ACAA2: variants seen among roughly 807,000 people sequenced by gnomAD.
ACAA2 encodes 3-ketoacyl-CoA thiolase, mitochondrial.
In ACAA2, 35 loss-of-function variants were observed where a neutral mutation model predicts 44.8. That is an observed-to-expected ratio of 0.78 (90% CI 0.60 to 1.04). The LOEUF (loss-of-function observed/expected upper bound fraction) is 1.04, where lower values mean the gene tolerates loss of function less well. ACAA2 is among the 50% of genes least tolerant of loss of function. The pLI, the probability that ACAA2 is intolerant of heterozygous loss-of-function variation, is 0.00. For missense variants in ACAA2, 468 were observed against 482.6 expected, an observed-to-expected ratio of 0.97 and a Z score of 0.28; for synonymous variants, 142 against 166.5, an observed-to-expected ratio of 0.85 and a Z score of 1.13.
At chr18:49,784,547 G>T (rs2678716) in intron 9 of ACAA2, among the ~76,000 whole-genome samples, 80,679 of 151,914 alleles carry the variant, frequency 0.53, 21,963 homozygotes, top group Middle Eastern at 0.7. Context: ...TTCAACTCAG[G>T]GAATCATTAA....
intron 9 of ACAA2, among the ~76,000 whole-genome samples, chr18:49,784,917 C>T (rs886960538): frequency 2.0e-5 from 3 of 152,100 alleles, no homozygotes; most frequent in Non-Finnish European, 4.4e-5. Context: ...GCCTCATTAT[C>T]TGCTCATGCA....
chr18:49,802,616 G>T, intron 2 of ACAA2, 71 bp downstream of exon 2: 5 of 1,375,378 alleles, frequency 3.6e-6, no homozygotes, highest in South Asian at 1.4e-5. Context: ...ATTATGATAT[G>T]TTAAAGGAAT....
intron 7 of ACAA2, among the ~76,000 whole-genome samples, chr18:49,787,882 C>T (rs2023352585): frequency 6.6e-6 from 1 of 152,130 alleles, no homozygotes; most frequent in Non-Finnish European, 1.5e-5. Flanking sequence ...GCATTCACAG[C>T]ACAGAAGTTA....
chr18:49,793,269 A>G (rs1453606423), intron 5 of ACAA2, among the ~76,000 whole-genome samples: 1 of 152,236 alleles, frequency 6.6e-6, no homozygotes, highest in Non-Finnish European at 1.5e-5. Context: ...AGCTTTGGAA[A>G]TAGGGTCAGG....
intron 1 of ACAA2, among the ~76,000 whole-genome samples, chr18:49,805,581 T>C (rs1023145301): frequency 1.3e-5 from 2 of 152,084 alleles, no homozygotes; most frequent in Admixed American, 6.6e-5. Flanking sequence ...TCTTTTTTTT[T>C]TGAGACAGTC....
In ACAA2 at chr18:49,783,362, G is replaced by C. The variant is rs1424602011; in HGVS notation, c.*485C>G. The C allele has an allele frequency of 6.6e-6, 1 of 152,400 alleles. No homozygotes were observed. Among genetic ancestry groups the C allele is most frequent in the Non-Finnish European group, 1.5e-5 (1 of 68,222 alleles). The allele number at this position is 152,400 out of a possible 1,614,324, so 9.4% of individuals were successfully genotyped here. A position where few individuals can be genotyped will look rare whatever the true frequency, so the allele number is the denominator to read the frequency against. On this transcript the variant is annotated 3_prime_UTR_variant, in exon 10 of 10. Transcript: ENST00000285093. ...GAAAAAGTTCTGTTGATAAAAAGTGGGGATGTTTGTATAAAAATGTGAATG... is the reference window on the plus strand; with the variant it reads ...GAAAAAGTTCTGTTGATAAAAAGTGCGGATGTTTGTATAAAAATGTGAATG...
At chr18:49,803,788 T>C (rs922640968) in intron 1 of ACAA2, among the ~76,000 whole-genome samples, 2 of 152,102 alleles carry the variant, frequency 1.3e-5, no homozygotes, top group Admixed American at 6.5e-5. Flanking sequence ...AAGAACTACC[T>C]CTAAAAATTC....
intron 1 of ACAA2, among the ~76,000 whole-genome samples, chr18:49,803,537 C>T (rs1469937153): frequency 3.9e-5 from 6 of 152,144 alleles, no homozygotes; most frequent in Non-Finnish European, 7.4e-5. Flanking sequence ...AATAAAGCCT[C>T]TTCCTTCTTT....
chr18:49,786,424 A>T (rs2143945475), intron 8 of ACAA2: 1 of 152,310 alleles, frequency 6.6e-6, no homozygotes, highest in South Asian at 2.1e-4. Flanking sequence ...CTATTTGCTG[A>T]CACAAATATA....
intron 2 of ACAA2, among the ~76,000 whole-genome samples, chr18:49,800,311 G>C (rs1225201226): frequency 6.6e-5 from 10 of 150,386 alleles, no homozygotes; most frequent in African/African-American, 2.4e-4. Flanking sequence ...CGCCCCGTCC[G>C]GGAGGTGAGG....
chr18:49,785,830 CAA>C (rs2143944535), intron 8 of ACAA2: 1 of 157,452 alleles, frequency 6.4e-6, no homozygotes, highest in African/African-American at 2.4e-5. Flanking sequence ...TGAAACATGG[CAA>C]GTACTCAATA....
chr18:49,799,339 T>C (rs956101370), intron 2 of ACAA2, among the ~76,000 whole-genome samples: 13 of 151,994 alleles, frequency 8.6e-5, no homozygotes, highest in South Asian at 2.1e-4. Flanking sequence ...CTCAGCCTGC[T>C]GAGTGCCTGC....
In ACAA2 at chr18:49,792,315, C is replaced by T. The variant is rs1050880347; in HGVS notation, c.590G>A (p.Gly197Asp). The T allele has an allele frequency of 2.5e-6, 4 of 1,612,490 alleles. No homozygotes were observed. The highest frequency in any genetic ancestry group is 1.7e-5 in the Admixed American group (1 of 59,916). ...TGGTGCCATTTCATCATTAAAGTAG[C>T]CAGCATCATTAGCTGAAAAATAGTA... ...QQRWKAANDA[G>D]YFNDEMAPIE... Residue 197 changes from glycine (G) to aspartate (D), a missense_variant, in exon 6 of 10, where the codon GGC becomes GAC. Coordinates refer to ENST00000285093, the MANE Select transcript of ACAA2 (RefSeq NM_006111.3).
chr18:49,789,418 TACTGTGGG>T (rs1180075820), intron 7 of ACAA2, among the ~76,000 whole-genome samples: 4 of 152,152 alleles, frequency 2.6e-5, no homozygotes, highest in African/African-American at 9.7e-5. Flanking sequence ...GGGCAGCTGA[TACTGTGGG>T]ACATCTGGAA....
At chr18:49,807,350 C>A (rs1208611027) in intron 1 of ACAA2, among the ~76,000 whole-genome samples, 1 of 152,186 alleles carries the variant, frequency 6.6e-6, no homozygotes, top group Non-Finnish European at 1.5e-5. Context: ...GCCTGGGTGA[C>A]AGAGTGAGAT....
At chr18:49,811,737 A>G (rs948508794) in intron 1 of ACAA2, among the ~76,000 whole-genome samples, 2 of 152,198 alleles carry the variant, frequency 1.3e-5, no homozygotes, top group Non-Finnish European at 2.9e-5. Context: ...ACAGCCACTA[A>G]CTACCTGTGT....
At position 49,802,865 on chromosome 18, in the gene ACAA2, A is replaced by T. The variant is rs1322103912; in HGVS notation, c.17-12T>A. 8 of 1,613,800 alleles carry T rather than the reference A, an allele frequency of 5.0e-6. No individual in the cohort carries two copies. Among genetic ancestry groups the T allele is most frequent in the Non-Finnish European group, 5.9e-6 (7 of 1,179,866 alleles). On this transcript the variant is annotated splice_polypyrimidine_tract_variant and intron_variant, in intron 1 of 9. Transcript: ENST00000285093. ...AACTACAAACACACCTATTGCAACAAGAAGAGATTTGTAAGCCATCACAGG... is the reference window on the plus strand; with the variant it reads ...AACTACAAACACACCTATTGCAACATGAAGAGATTTGTAAGCCATCACAGG...
chr18:49,813,389 G>A, intron 1 of ACAA2, 80 bp downstream of exon 1: 1 of 1,130,222 alleles, frequency 8.8e-7, no homozygotes, highest in East Asian at 3.2e-5. Flanking sequence ...CCGACTCTCC[G>A]CGGCGGCCGG....
chr18:49,797,265 C>CTTTT (rs11392686), intron 3 of ACAA2, among the ~76,000 whole-genome samples: 28 of 143,800 alleles, frequency 1.9e-4, no homozygotes, highest in Non-Finnish European at 2.0e-4. Context: ...TCATTATTAG[C>CTTTT]TTTTTTTTTT....
Sources: gnomAD v4.1 joint callset for allele counts (sites outside exome capture counted in the v4.1 genomes callset) on GRCh38, gnomAD v4.1.1 for gene constraint, MANE v1.5 for transcripts, NCBI Gene and HGNC (gene_info 2026-07-23, HGNC 2026-07-21) for gene names.